RSRP1: variants seen among roughly 807,000 people sequenced by gnomAD.
RSRP1 encodes arginine/serine-rich protein 1.
In RSRP1, 37 loss-of-function variants were observed where a neutral mutation model predicts 33.0. The ratio of observed to expected loss-of-function variants is 1.12; its 90% confidence interval spans 0.86 to 1.48. The LOEUF (loss-of-function observed/expected upper bound fraction) is 1.48, where lower values mean the gene tolerates loss of function less well. Among genes scored for constraint, RSRP1 ranks in the 40% most tolerant of loss-of-function variants. The pLI is 0.00. For synonymous variants in RSRP1, 167 were observed against 158.7 expected, an observed-to-expected ratio of 1.05 and a Z score of -0.40; for missense variants, 402 against 385.3, an observed-to-expected ratio of 1.04 and a Z score of -0.36.
intron 1 of RSRP1, 85 bp from the exon 2 acceptor site, chr1:25,247,114 G>C: frequency 1.2e-6 from 1 of 861,756 alleles, no homozygotes; most frequent in Non-Finnish European, 1.6e-6. Context: ...GAACCTCCGG[G>C]AGGCGGAGCC....
chr1:25,283,740 A>G (rs1309524682), intron 1 of RSRP1, among the ~76,000 whole-genome samples: 2 of 133,852 alleles, frequency 1.5e-5, no homozygotes, highest in African/African-American at 5.3e-5. Flanking sequence ...TATAAAGCTC[A>G]GAGATGTTAA....
chr1:25,256,362 C>A (rs1174966488), intron 1 of RSRP1, among the ~76,000 whole-genome samples: 2 of 152,144 alleles, frequency 1.3e-5, no homozygotes, highest in African/African-American at 4.8e-5. Flanking sequence ...GTAGCCCAGG[C>A]TGTTCTCACA....
At chr1:25,314,659 A>G (rs1644342943) in intron 1 of RSRP1, among the ~76,000 whole-genome samples, 1 of 130,782 alleles carries the variant, frequency 7.6e-6, no homozygotes, top group African/African-American at 2.6e-5. Context: ...ATGCCCAGCT[A>G]ACTTCTGTAT....
At chr1:25,261,933 A>T (rs1230251427) in intron 1 of RSRP1, among the ~76,000 whole-genome samples, 1 of 149,896 alleles carries the variant, frequency 6.7e-6, no homozygotes, top group Non-Finnish European at 1.5e-5. Flanking sequence ...GATGGTCCCG[A>T]ACTCCTGACC....
chr1:25,299,843 A>G lies in RSRP1; in HGVS notation c.-67+38135T>C, dbSNP rs1458100926. Among the ~76,000 whole-genome samples the G allele has an allele frequency of 4.6e-5, 6 of 131,308 alleles. 1 individual carries two copies. The highest frequency in any genetic ancestry group is 4.6e-4 in the South Asian group (2 of 4,332). 86.1% of individuals were successfully genotyped at this position (131,308 alleles called of 152,430 possible). A position where few individuals can be genotyped will look rare whatever the true frequency, so the allele number is the denominator to read the frequency against. ...CAGCTCACTATAGCCTCCGCCTCCC[A>G]GGTTCCAGTGAATCTCCTGCATCAG... On this transcript the variant is annotated intron_variant, in intron 1 of 1. Coordinates refer to the RSRP1 transcript ENST00000561867.
rs529648254 is a variant in RSRP1, at chr1:25,330,912, T to C, written c.-67+7066A>G. 8.0e-5 allele frequency among the ~76,000 whole-genome samples: 10 copies of C among 124,550 alleles called. 2 individuals carry two copies. The highest frequency in any genetic ancestry group is 5.0e-4 in the South Asian group (2 of 4,024). The allele number at this position is 124,550 out of a possible 152,430, so 81.7% of individuals were successfully genotyped here. ...TGGCTGCCTCCTCCCTGTGTCCTCA[T>C]AGAGCCTGTCTTCTGCTTTTACACT... On this transcript the variant is annotated intron_variant, in intron 1 of 1. Coordinates refer to the RSRP1 transcript ENST00000561867.
chr1:25,304,365 G>A (rs1312682428), intron 1 of RSRP1: 1 of 124,438 alleles, frequency 8.0e-6, no homozygotes, highest in African/African-American at 2.8e-5. Flanking sequence ...TTGGGAGGCC[G>A]AGGCGGGCAG....
rs1228139493 is a variant in RSRP1, at chr1:25,305,291, T to A, written c.-67+32687A>T. 3.0e-5 allele frequency among the ~76,000 whole-genome samples: 4 copies of A among 131,814 alleles called. No homozygotes were observed. The East Asian group carries it at 7.8e-4, about 26-fold the overall frequency. 86.5% of individuals were successfully genotyped at this position (131,814 alleles called of 152,430 possible). ...AAACAGACATTCTAAAGGCATAGGG[T>A]CCACCCAGGAGCATGGTGGACCCAG... On this transcript the variant is annotated intron_variant, in intron 1 of 1. Transcript: ENST00000561867.
chr1:25,298,230 C>T (rs1643102977), intron 1 of RSRP1, among the ~76,000 whole-genome samples: 1 of 111,306 alleles, frequency 9.0e-6, no homozygotes, highest in African/African-American at 2.8e-5. Context: ...ACATGGCTGT[C>T]AAGAAGAGGA....
chr1:25,332,952 C>T (rs1403861347), intron 1 of RSRP1, among the ~76,000 whole-genome samples: 1 of 131,438 alleles, frequency 7.6e-6, no homozygotes, highest in African/African-American at 2.6e-5. Flanking sequence ...CAGTCCAAGT[C>T]CCAAAGTCTC....
At chr1:25,331,438 G>T (rs1295112413) in intron 1 of RSRP1, among the ~76,000 whole-genome samples, 2 of 132,302 alleles carry the variant, frequency 1.5e-5, no homozygotes, top group Non-Finnish European at 3.6e-5. Context: ...AATAGCAGTA[G>T]TCATTAATGG....
intron 1 of RSRP1, among the ~76,000 whole-genome samples, chr1:25,268,852 GC>G (rs1263103188): frequency 1.5e-5 from 2 of 129,724 alleles, no homozygotes; most frequent in East Asian, 3.9e-4. Flanking sequence ...GGAGGCTGAG[GC>G]GGGAGAATCA....
At chr1:25,284,809 C>T in intron 1 of RSRP1, 1 of 1,343,542 alleles carries the variant, frequency 7.4e-7, no homozygotes, top group South Asian at 1.2e-5. Flanking sequence ...GGAATGGACC[C>T]CGAAAGGACA....
In RSRP1 at chr1:25,307,277, G is replaced by A. The variant is rs1352221568; in HGVS notation, c.-67+30701C>T. On this transcript the variant is annotated intron_variant, in intron 1 of 1. Transcript: ENST00000561867. Reference sequence around the variant, plus strand: ...CTTGGCTGAGGTCTCACTGCGAGGTGGGAATGTGGGCCTCCAGACCAGAGG... The same window carrying A: ...CTTGGCTGAGGTCTCACTGCGAGGTAGGAATGTGGGCCTCCAGACCAGAGG... Among the ~76,000 whole-genome samples the A allele has an allele frequency of 2.3e-5, 3 of 131,948 alleles. 1 individual carries two copies. Among genetic ancestry groups the A allele is most frequent in the South Asian group, 2.3e-4 (1 of 4,314 alleles). The allele number at this position is 131,948 out of a possible 152,430, so 86.6% of individuals were successfully genotyped here. A position where few individuals can be genotyped will look rare whatever the true frequency, so the allele number is the denominator to read the frequency against.
Position 25,272,814 on chromosome 1 carries a change from C to T in RSRP1, c.-66-25785G>A. ...CTACAAAATCCCAAGGAAAAAGATTCCCCCATCTTCTTCCGTAGATTGCAC... is the reference window on the plus strand; with the variant it reads ...CTACAAAATCCCAAGGAAAAAGATTTCCCCATCTTCTTCCGTAGATTGCAC... On this transcript the variant is annotated intron_variant, in intron 1 of 1. Coordinates refer to the RSRP1 transcript ENST00000561867. 2.5e-6 allele frequency: 3 copies of T among 1,209,696 alleles called. 1 individual carries two copies. The highest frequency in any genetic ancestry group is 3.6e-6 in the Non-Finnish European group (3 of 841,064). 74.9% of individuals were successfully genotyped at this position (1,209,696 alleles called of 1,614,324 possible).
chr1:25,336,655 C>T (rs1423854745), intron 1 of RSRP1, among the ~76,000 whole-genome samples: 3 of 150,060 alleles, frequency 2.0e-5, no homozygotes, highest in African/African-American at 7.6e-5. Flanking sequence ...TCTTTTCTCC[C>T]GCACTCATTA....
upstream of RSRP1, among the ~76,000 whole-genome samples, chr1:25,252,064 TTGC>T (rs1639801963): frequency 6.6e-6 from 1 of 150,378 alleles, no homozygotes; most frequent in Non-Finnish European, 1.5e-5. Flanking sequence ...CTAATTTTTG[TTGC>T]TGTTGTTGTT....
rs769829513 is a variant in RSRP1, at chr1:25,245,152, C to T, written c.670G>A (p.Glu224Lys). The change falls in exon 3 of 5, where the codon GAA (glutamate) becomes AAA (lysine). Residue 224 changes from glutamate to lysine, a missense_variant and splice_region_variant. By Grantham distance (56) the Glu-to-Lys change is moderately conservative. Coordinates refer to ENST00000243189, the MANE Select transcript of RSRP1 (RefSeq NM_020317.5). ...TCCGACAAACCTAGAATACTTACTT[C>T]AGGCTTTGCACCATTACTTGATACA... ...IGVSSNGAKP[E>K]LSEKVTEDGT... is the part of the protein sequence containing the mutation. 2.5e-6 allele frequency: 4 copies of T among 1,614,194 alleles called. No individual in the cohort carries two copies. In the East Asian group the frequency reaches 8.9e-5, roughly 36 times the overall value.
chr1:25,320,024 G>A (rs1408263436), intron 1 of RSRP1, among the ~76,000 whole-genome samples: 7 of 130,896 alleles, frequency 5.3e-5, no homozygotes, highest in African/African-American at 1.8e-4. Flanking sequence ...TCAGCCTCCC[G>A]AGTAGCTGGG....
Sources: allele counts gnomAD v4.1 joint callset (sites outside exome capture counted in the v4.1 genomes callset), GRCh38; gene constraint gnomAD v4.1.1; transcripts MANE v1.5; gene names NCBI Gene and HGNC (gene_info 2026-07-23, HGNC 2026-07-21).